The following RARB variants were observed in gnomAD, a reference collection of about 807,000 sequenced individuals.
RARB encodes retinoic acid receptor beta.
In RARB, 17 loss-of-function variants were observed where a neutral mutation model predicts 51.9. The observed-to-expected ratio is 0.33, with a 90% CI of 0.22 to 0.49. The LOEUF is 0.49. RARB is among the 20% of genes least tolerant of loss of function. The pLI is 0.99. For synonymous variants in RARB, 215 were observed against 195.4 expected (o/e 1.10, Z -0.84); for missense variants, 369 against 550.8 (o/e 0.67, Z 3.30).
chr3:25,168,194 GA>G (rs1700589541), intron 4 of RARB, among the ~76,000 whole-genome samples: 1 of 152,056 alleles, frequency 6.6e-6, no homozygotes. Flanking sequence ...ATAAAACACT[GA>G]AAAGGACATT....
chr3:24,986,845 CG>C (rs1206753394), intron 2 of RARB, among the ~76,000 whole-genome samples: 1 of 151,972 alleles, frequency 6.6e-6, no homozygotes, highest in East Asian at 1.9e-4. Flanking sequence ...ACCCCTTTGC[CG>C]AAACAGCAGA....
chr3:25,380,779 C>G (rs544097537), intron 5 of RARB, among the ~76,000 whole-genome samples: 1 of 152,332 alleles, frequency 6.6e-6, no homozygotes, highest in East Asian at 1.9e-4. Flanking sequence ...CTCCCTCCCC[C>G]TGCTAATTTC....
intron 1 of RARB, among the ~76,000 whole-genome samples, chr3:24,854,133 C>T (rs1284407591): frequency 6.6e-6 from 1 of 152,100 alleles, no homozygotes; most frequent in Non-Finnish European, 1.5e-5. Context: ...TTCTTTTGTA[C>T]AGAGCTTACT....
chr3:25,474,392 G>T (rs938537719), intron 2 of RARB, among the ~76,000 whole-genome samples: 3 of 152,150 alleles, frequency 2.0e-5, no homozygotes, highest in Non-Finnish European at 4.4e-5. Context: ...GAAAGCTGCT[G>T]CTCTAATTTA....
At chr3:24,914,488 T>A (rs747167141) in intron 2 of RARB, among the ~76,000 whole-genome samples, 1 of 152,120 alleles carries the variant, frequency 6.6e-6, no homozygotes, top group Admixed American at 6.5e-5. Context: ...GCCAATTATG[T>A]GTAAAGTACA....
chr3:25,365,889 A>G (rs1706103344), intron 5 of RARB, among the ~76,000 whole-genome samples: 1 of 152,218 alleles, frequency 6.6e-6, no homozygotes, highest in Non-Finnish European at 1.5e-5. Flanking sequence ...ACATGGCAAC[A>G]TTTCTGCCAT....
At chr3:25,165,626 C>A (rs1700549547) in intron 4 of RARB, among the ~76,000 whole-genome samples, 1 of 152,140 alleles carries the variant, frequency 6.6e-6, no homozygotes, top group African/African-American at 2.4e-5. Flanking sequence ...CCTACCACCG[C>A]TTTTCTCAAA....
At chr3:25,152,651 A>G (rs1416602148) in intron 4 of RARB, among the ~76,000 whole-genome samples, 1 of 152,220 alleles carries the variant, frequency 6.6e-6, no homozygotes, top group Non-Finnish European at 1.5e-5. Flanking sequence ...ATACATACAC[A>G]GTAATACAAC....
chr3:25,588,475 G>C (rs978031854), intron 5 of RARB, among the ~76,000 whole-genome samples: 1 of 152,164 alleles, frequency 6.6e-6, no homozygotes, highest in Non-Finnish European at 1.5e-5. Flanking sequence ...CTCGAGATTT[G>C]TGTGCAGCTC....
chr3:25,246,625 G>C (rs1045480640), intron 5 of RARB, among the ~76,000 whole-genome samples: 2 of 152,266 alleles, frequency 1.3e-5, no homozygotes, highest in African/African-American at 2.4e-5. Context: ...TCCAGATCCT[G>C]TTTGCCTGGG....
At chr3:25,083,115 A>G (rs777110933) in intron 3 of RARB, among the ~76,000 whole-genome samples, 24 of 134,616 alleles carry the variant, frequency 1.8e-4, no homozygotes, top group Non-Finnish European at 3.4e-4. Flanking sequence ...CATTTTAAAT[A>G]TTATATCATT....
intron 5 of RARB, among the ~76,000 whole-genome samples, chr3:25,300,456 A>G (rs1704014057): frequency 2.0e-5 from 3 of 152,206 alleles, no homozygotes; most frequent in African/African-American, 4.8e-5. Context: ...ATGACTGTCT[A>G]CTTCTGATAT....
At chr3:25,049,938 G>A (rs926303493) in intron 2 of RARB, among the ~76,000 whole-genome samples, 6 of 152,254 alleles carry the variant, frequency 3.9e-5, no homozygotes, top group Middle Eastern at 6.8e-3. Context: ...ACACGTAGAC[G>A]GGTAGTTTGT....
chr3:24,946,137 T>A (rs1695768132), intron 2 of RARB, among the ~76,000 whole-genome samples: 1 of 151,600 alleles, frequency 6.6e-6, no homozygotes, highest in Non-Finnish European at 1.5e-5. Flanking sequence ...TGGTGGCAGC[T>A]GCCTGTAGTC....
intron 3 of RARB, among the ~76,000 whole-genome samples, chr3:25,560,213 T>G (rs982940953): frequency 2.6e-5 from 4 of 152,210 alleles, no homozygotes; most frequent in African/African-American, 9.7e-5. Context: ...TAAGAATCAC[T>G]TAGGGGTATA....
At chr3:25,238,177 T>C (rs1023147480) in intron 5 of RARB, among the ~76,000 whole-genome samples, 5 of 151,376 alleles carry the variant, frequency 3.3e-5, no homozygotes, top group Admixed American at 2.6e-4. Flanking sequence ...TCCCAGTCTC[T>C]GGTATCTAGG....
At chr3:25,123,139 T>C (rs2125330039) in intron 3 of RARB, among the ~76,000 whole-genome samples, 1 of 152,294 alleles carries the variant, frequency 6.6e-6, no homozygotes, top group East Asian at 1.9e-4. Flanking sequence ...TTTTCTGCTG[T>C]CCAGGCAAAA....
At chr3:25,142,916 G>T (rs537360360) in intron 4 of RARB, among the ~76,000 whole-genome samples, 1 of 152,172 alleles carries the variant, frequency 6.6e-6, no homozygotes, top group Non-Finnish European at 1.5e-5. Flanking sequence ...CTGGATGGCT[G>T]ATCCAGTCTC....
chr3:24,884,184 C>T (rs1051084337), intron 2 of RARB, among the ~76,000 whole-genome samples: 2 of 152,146 alleles, frequency 1.3e-5, no homozygotes, highest in African/African-American at 4.8e-5. Flanking sequence ...GCTTTATGCC[C>T]ACAGACTCTA....
Sources: gnomAD v4.1 joint callset for allele counts (sites outside exome capture counted in the v4.1 genomes callset) on GRCh38, gnomAD v4.1.1 for gene constraint, MANE v1.5 for transcripts, NCBI Gene and HGNC (gene_info 2026-07-23, HGNC 2026-07-21) for gene names.